Variants in XRN1 observed in about 807,000 individuals in gnomAD.
XRN1 encodes strand-exchange protein 1 homolog.
XRN1 carries 67 observed loss-of-function variants against 222.3 expected under a neutral mutation model. The ratio of observed to expected loss-of-function variants is 0.30; its 90% CI spans 0.25 to 0.37. The LOEUF is 0.37. Among genes scored for constraint, XRN1 ranks in the 10% least tolerant of loss-of-function variants. The pLI is 1.00. For synonymous variants in XRN1, 643 were observed against 652.4 expected (o/e 0.99, Z 0.22); for missense variants, 1,707 against 2,000.2 (o/e 0.85, Z 2.80).
Position 142,318,643 on chromosome 3 carries a change from G to A in XRN1, c.4570C>T (p.Pro1524Ser), listed in dbSNP as rs772321479. The A allele has an allele frequency of 1.2e-6, 2 of 1,610,042 alleles. No individual in the cohort carries two copies. The highest frequency in any genetic ancestry group is 1.1e-5 in the South Asian group (1 of 89,834). The part of the protein sequence containing the change: ...PLPSQVFANY[P>S]SAVPPGTIPP... ...ATGGTTCCAGGTGGTACAGCTGAAGGATAATTTGCAAATACTTGTGAAGGC... is the reference window on the plus strand; with the variant it reads ...ATGGTTCCAGGTGGTACAGCTGAAGAATAATTTGCAAATACTTGTGAAGGC... Residue 1524 changes from proline (P) to serine (S), a missense_variant, in exon 39 of 41, where the codon CCT becomes TCT. Around this residue, in one of 2 missense-constraint regions of XRN1, gnomAD observed 473 missense variants for 482.0 expected, o/e 0.98. Coordinates refer to ENST00000392981, the MANE Select transcript of XRN1 (RefSeq NM_001282857.2).
rs181773621 is a variant in XRN1 at position 142,308,148 on chromosome 3, C to T, written c.*3363G>A. On this transcript the variant is annotated 3_prime_UTR_variant, in exon 41 of 41. Coordinates refer to ENST00000392981, the MANE Select transcript of XRN1 (RefSeq NM_001282857.2). ...AACCACTATAAACAGTTATGACTAA[C>T]ACAAATAGAACACATAAATAAAAAG... 3.9e-5 allele frequency: 6 copies of T among 152,250 alleles called. No homozygotes were observed. The highest frequency in any genetic ancestry group is 2.0e-4 in the Admixed American group (3 of 15,284). 9.4% of individuals were successfully genotyped at this position (152,250 alleles called of 1,614,324 possible). A position where few individuals can be genotyped will look rare whatever the true frequency, so the allele number is the denominator to read the frequency against.
chr3:142,348,241 T>C (rs879779603), intron 32 of XRN1, among the ~76,000 whole-genome samples: 2 of 152,128 alleles, frequency 1.3e-5, no homozygotes, highest in African/African-American at 2.4e-5. Context: ...ATTATGAAAA[T>C]TGAGGATGTT....
At chr3:142,412,470 T>C (rs1033346057) in intron 15 of XRN1, 74 bp downstream of exon 15, 32 of 1,420,502 alleles carry the variant, frequency 2.3e-5, no homozygotes, top group African/African-American at 4.3e-5. Flanking sequence ...TTAAAACCCA[T>C]TGCTCATTAA....
chr3:142,387,175 T>C (rs2067535221), intron 20 of XRN1, among the ~76,000 whole-genome samples: 1 of 152,310 alleles, frequency 6.6e-6, no homozygotes, highest in East Asian at 1.9e-4. Context: ...AATATGGATA[T>C]TAGAATCACA....
intron 39 of XRN1, among the ~76,000 whole-genome samples, chr3:142,316,211 CTTCTT>C (rs2065207277): frequency 7.7e-6 from 1 of 129,914 alleles, no homozygotes; most frequent in Non-Finnish European, 1.6e-5. Flanking sequence ...TAGTCATTAT[CTTCTT>C]TTTTTTTTTT....
chr3:142,432,459 A>G (rs2069671188), intron 2 of XRN1, among the ~76,000 whole-genome samples: 1 of 151,404 alleles, frequency 6.6e-6, no homozygotes, highest in Non-Finnish European at 1.5e-5. Flanking sequence ...AACCTCCAAC[A>G]TATGTTTTGA....
chr3:142,328,579 C>CTTGAGAAT (rs1299348973), intron 37 of XRN1, among the ~76,000 whole-genome samples: 1 of 149,766 alleles, frequency 6.7e-6, no homozygotes, highest in East Asian at 2.0e-4. Flanking sequence ...GAGAATGTTC[C>CTTGAGAAT]ATTTGTTGAG....
intron 29 of XRN1, among the ~76,000 whole-genome samples, chr3:142,363,490 T>C (rs536172570): frequency 6.6e-6 from 1 of 152,336 alleles, no homozygotes; most frequent in African/African-American, 2.4e-5. Flanking sequence ...ACTCTAATTA[T>C]ATTCCATTGA....
intron 18 of XRN1, among the ~76,000 whole-genome samples, chr3:142,402,923 A>C (rs2068199585): frequency 6.6e-6 from 1 of 152,122 alleles, no homozygotes; most frequent in African/African-American, 2.4e-5. Flanking sequence ...GTTCATCTAG[A>C]TCTATTGCTA....
chr3:142,397,946 T>C lies in XRN1; in HGVS notation c.2208-486A>G, dbSNP rs898471131. Among the ~76,000 whole-genome samples the C allele has an allele frequency of 2.0e-5, 3 of 152,264 alleles. No individual in the cohort carries two copies. In the East Asian group the frequency reaches 5.8e-4, roughly 29 times the overall value. ...TACAAATATATACAATTATTATGTA[T>C]CAAAAAAATTTAAGGTTGGGTGCAG... On this transcript the variant is annotated intron_variant, in intron 19 of 40. Coordinates refer to ENST00000392981, the MANE Select transcript of XRN1 (RefSeq NM_001282857.2).
In XRN1 at chr3:142,357,006, G is replaced by T. The variant is rs746500081; in HGVS notation, c.3578C>A (p.Pro1193Gln). ...QKLTAIVKPQPAVHQHSSSSS... is the reference protein window; with the variant it reads ...QKLTAIVKPQQAVHQHSSSSS... ...ACTTGAGCTATGTTGATGTACAGCT[G>T]GTTGTGGTTTTACGATGGCTGTCAA... The change falls in exon 31 of 41, where the codon CCA (proline) becomes CAA (glutamine). Residue 1193 changes from proline to glutamine, a missense_variant. This residue lies in a region of XRN1 where 1,234 missense variants were observed against 1,518.2 expected (regional missense o/e 0.81). Coordinates refer to ENST00000392981, the MANE Select transcript of XRN1 (RefSeq NM_001282857.2). 1 of 1,614,032 alleles carries T rather than the reference G, an allele frequency of 6.2e-7. No homozygotes were observed. The highest frequency in any genetic ancestry group is 8.5e-7 in the Non-Finnish European group (1 of 1,179,960).
chr3:142,356,112 A>G (rs765508894), intron 31 of XRN1, among the ~76,000 whole-genome samples: 2 of 152,222 alleles, frequency 1.3e-5, no homozygotes, highest in African/African-American at 2.4e-5. Context: ...TATCCCACCA[A>G]TAGGTTTTTT....
chr3:142,343,120 G>A (rs1218040331), intron 33 of XRN1, among the ~76,000 whole-genome samples: 1 of 152,000 alleles, frequency 6.6e-6, no homozygotes, highest in Non-Finnish European at 1.5e-5. Flanking sequence ...CAAAAGCTTC[G>A]AATAGACTTT....
intron 15 of XRN1, among the ~76,000 whole-genome samples, chr3:142,410,574 A>T (rs969750470): frequency 7.3e-6 from 1 of 137,436 alleles, no homozygotes; most frequent in Non-Finnish European, 1.5e-5. Context: ...GCTCACTGCA[A>T]CCTCTGCCTC....
At chr3:142,365,576 A>T (rs898151799) in intron 27 of XRN1, among the ~76,000 whole-genome samples, 1 of 152,134 alleles carries the variant, frequency 6.6e-6, no homozygotes, top group Non-Finnish European at 1.5e-5. Flanking sequence ...TTTTAAAGTA[A>T]AATTTTTTGC....
chr3:142,404,481 A>G (rs2068269294), intron 16 of XRN1, among the ~76,000 whole-genome samples: 1 of 152,186 alleles, frequency 6.6e-6, no homozygotes, highest in Non-Finnish European at 1.5e-5. Context: ...AGAGAAAAAA[A>G]TGGAGCTCTT....
At chr3:142,346,637 C>A (rs1281790309) in intron 33 of XRN1, among the ~76,000 whole-genome samples, 1 of 152,068 alleles carries the variant, frequency 6.6e-6, no homozygotes, top group African/African-American at 2.4e-5. Context: ...CATGCCACCA[C>A]ACCTGGCTAA....
rs574400591 is a variant in XRN1, at chr3:142,347,670, T to A, written c.3769-328A>T. Among the ~76,000 whole-genome samples, 7 of 152,206 alleles carry A rather than the reference T, an allele frequency of 4.6e-5. No homozygotes were observed. The South Asian group carries it at 1.2e-3, about 27-fold the overall frequency. On this transcript the variant is annotated intron_variant, in intron 32 of 40. Transcript: ENST00000392981. ...GGAAGTGCAGTGGCACAATCTCGGC[T>A]CACTGCAACCTCTGCCTCCCGGGTT...
rs762619159 is a variant in XRN1 at position 142,311,664 on chromosome 3, G to A, written c.4932C>T (p.Ser1644=). 1 of 1,614,132 alleles carries A rather than the reference G, an allele frequency of 6.2e-7. No individual in the cohort carries two copies. Among genetic ancestry groups the A allele is most frequent in the Non-Finnish European group, 8.5e-7 (1 of 1,180,008 alleles). The change falls in exon 41 of 41, where the codon TCC becomes TCT. Residue 1644 remains serine, a synonymous_variant. Transcript: ENST00000392981. Reference sequence around the variant, plus strand: ...AAGATGCAGGTTGAGCAATCGGAGAGGACTTCAAAGAAGCTGATGAGCTCT... The same window carrying A: ...AAGATGCAGGTTGAGCAATCGGAGAAGACTTCAAAGAAGCTGATGAGCTCT... ...PRESSSASLK[S]SPIAQPASSF...
Sources: allele counts gnomAD v4.1 joint callset (sites outside exome capture counted in the v4.1 genomes callset), GRCh38; gene constraint gnomAD v4.1.1; regional missense constraint gnomAD v4.1.1; transcripts MANE v1.5; gene names NCBI Gene and HGNC (gene_info 2026-07-23, HGNC 2026-07-21).